The following MIPOL1 variants were observed in gnomAD, a reference collection of about 807,000 sequenced individuals.
The protein encoded by MIPOL1 is mirror-image polydactyly gene 1 protein.
MIPOL1 carries 57 observed loss-of-function variants against 60.9 expected under a neutral mutation model. The observed-to-expected ratio is 0.94, with a 90% confidence interval of 0.76 to 1.17. The LOEUF is 1.17. MIPOL1 is among the 50% of genes most tolerant of loss of function. MIPOL1 has a pLI of 0.00. For missense variants in MIPOL1, 551 were observed against 511.6 expected, an observed-to-expected ratio of 1.08 and a Z score of -0.74; for synonymous variants, 179 against 168.8, an observed-to-expected ratio of 1.06 and a Z score of -0.47.
chr14:37,216,076 AAAAG>A (rs1294674754), intron 1 of MIPOL1, among the ~76,000 whole-genome samples: 10 of 150,112 alleles, frequency 6.7e-5, no homozygotes, highest in South Asian at 4.2e-4. Context: ...AAAAAAAAAA[AAAAG>A]AAAGAAAAGA....
rs369482325 is a variant in MIPOL1 at position 37,268,796 on chromosome 14, A to G, written c.387+3A>G. The G allele has an allele frequency of 3.2e-6, 5 of 1,557,704 alleles. No homozygotes were observed. The highest frequency in any genetic ancestry group is 4.4e-6 in the Non-Finnish European group (5 of 1,147,064). Reference sequence around the variant, plus strand: ...TTCTCAGAACAAGCAATAAAAAGGTATAATATGGAAAGTCTGATAATTGTA... The same window carrying G: ...TTCTCAGAACAAGCAATAAAAAGGTGTAATATGGAAAGTCTGATAATTGTA... On this transcript the variant is annotated splice_donor_region_variant and intron_variant, in intron 5 of 12. Transcript: ENST00000684589.
intron 11 of MIPOL1, among the ~76,000 whole-genome samples, chr14:37,433,406 G>T (rs1595753802): frequency 6.6e-6 from 1 of 151,906 alleles, no homozygotes; most frequent in Admixed American, 6.6e-5. Flanking sequence ...GTGTGTGATG[G>T]TCCCCTTCCT....
intron 1 of MIPOL1, among the ~76,000 whole-genome samples, chr14:37,220,097 A>G (rs377166211): frequency 3.3e-5 from 5 of 152,238 alleles, no homozygotes; most frequent in African/African-American, 1.2e-4. Context: ...TGATTTTAGA[A>G]TGTATCATTT....
intron 12 of MIPOL1, among the ~76,000 whole-genome samples, chr14:37,537,666 AAC>A (rs1426365294): frequency 6.6e-6 from 1 of 152,210 alleles, no homozygotes; most frequent in Non-Finnish European, 1.5e-5. Context: ...CATGATACCA[AAC>A]ACAGCATTGT....
At position 37,529,293 on chromosome 14, in the gene MIPOL1, T is replaced by C. The variant is rs540186268; in HGVS notation, c.1263-17612T>C. Among the ~76,000 whole-genome samples the C allele has an allele frequency of 6.2e-4, 94 of 152,302 alleles. 1 individual carries two copies. Among genetic ancestry groups the C allele is most frequent in the African/African-American group, 2.2e-3 (91 of 41,574 alleles). Reference sequence around the variant, plus strand: ...CATCTCTGTTACCGTTATTACAAGATATAAAGACAGCTAAATCAAAAAAAT... The same window carrying C: ...CATCTCTGTTACCGTTATTACAAGACATAAAGACAGCTAAATCAAAAAAAT... On this transcript the variant is annotated intron_variant, in intron 12 of 12. Coordinates refer to ENST00000684589, the MANE Select transcript of MIPOL1 (RefSeq NM_001388067.1).
intron 9 of MIPOL1, among the ~76,000 whole-genome samples, chr14:37,313,415 C>T (rs2087555980): frequency 6.6e-6 from 1 of 152,056 alleles, no homozygotes; most frequent in South Asian, 2.1e-4. Flanking sequence ...AGGCCTGGCA[C>T]CTGGAGGCTT....
At chr14:37,376,913 G>A (rs1280508310) in intron 10 of MIPOL1, among the ~76,000 whole-genome samples, 1 of 152,142 alleles carries the variant, frequency 6.6e-6, no homozygotes, top group Non-Finnish European at 1.5e-5. Flanking sequence ...ATGAATGAGA[G>A]CTTCTGTTGC....
chr14:37,199,304 A>G (rs142991252), intron 1 of MIPOL1, among the ~76,000 whole-genome samples: 1 of 152,294 alleles, frequency 6.6e-6, no homozygotes, highest in East Asian at 1.9e-4. Context: ...AACATTATCA[A>G]TGAATTTCAC....
intron 12 of MIPOL1, among the ~76,000 whole-genome samples, chr14:37,535,841 G>T (rs2095503990): frequency 6.6e-6 from 1 of 152,030 alleles, no homozygotes; most frequent in Non-Finnish European, 1.5e-5. Context: ...TTATTTCTTT[G>T]TATCCTTTAT....
intron 9 of MIPOL1, among the ~76,000 whole-genome samples, chr14:37,355,330 G>T (rs2091728254): frequency 1.6e-5 from 2 of 122,268 alleles, no homozygotes; most frequent in Non-Finnish European, 3.4e-5. Flanking sequence ...CTCTCTGGCT[G>T]CCCTTAACAT....
At chr14:37,407,965 T>C (rs967873785) in intron 10 of MIPOL1, among the ~76,000 whole-genome samples, 1 of 147,316 alleles carries the variant, frequency 6.8e-6, no homozygotes, top group African/African-American at 2.5e-5. Context: ...TACTCCTGCC[T>C]CAGCCTCCTG....
chr14:37,262,891 G>A (rs1159838103), intron 3 of MIPOL1, among the ~76,000 whole-genome samples: 2 of 152,098 alleles, frequency 1.3e-5, no homozygotes, highest in Admixed American at 6.6e-5. Flanking sequence ...CGTTTACACA[G>A]ATACCAGTTG....
chr14:37,372,568 A>C (rs1294436436), intron 10 of MIPOL1, among the ~76,000 whole-genome samples: 1 of 152,026 alleles, frequency 6.6e-6, no homozygotes, highest in Non-Finnish European at 1.5e-5. Flanking sequence ...AGCCTGGCCA[A>C]CATAATGAAA....
intron 9 of MIPOL1, among the ~76,000 whole-genome samples, chr14:37,360,054 C>T (rs992175349): frequency 6.6e-6 from 1 of 152,080 alleles, no homozygotes; most frequent in African/African-American, 2.4e-5. Flanking sequence ...TGTCGAAGGC[C>T]TTTTCTGCAT....
At chr14:37,458,091 C>T (rs1405256174) in intron 11 of MIPOL1, among the ~76,000 whole-genome samples, 1 of 151,842 alleles carries the variant, frequency 6.6e-6, no homozygotes, top group Non-Finnish European at 1.5e-5. Flanking sequence ...AAGATAAAGT[C>T]ATTATATAAT....
chr14:37,214,018 G>A (rs1315871036), intron 1 of MIPOL1, among the ~76,000 whole-genome samples: 3 of 152,082 alleles, frequency 2.0e-5, no homozygotes, highest in Non-Finnish European at 2.9e-5. Context: ...GGCTTTCCCA[G>A]ACAAACAAAA....
At chr14:37,536,359 A>T (rs914906942) in intron 12 of MIPOL1, among the ~76,000 whole-genome samples, 21 of 152,176 alleles carry the variant, frequency 1.4e-4, no homozygotes, top group Admixed American at 2.6e-4. Flanking sequence ...TTAAGAGAAA[A>T]ATGTGAATCC....
chr14:37,500,559 C>T (rs2095201268), intron 12 of MIPOL1, among the ~76,000 whole-genome samples: 1 of 152,168 alleles, frequency 6.6e-6, no homozygotes, highest in Non-Finnish European at 1.5e-5. Context: ...GCATAAAAAC[C>T]AGTAGGGTGA....
chr14:37,342,772 A>G (rs1291138877), intron 9 of MIPOL1, among the ~76,000 whole-genome samples: 2 of 152,156 alleles, frequency 1.3e-5, no homozygotes, highest in East Asian at 3.8e-4. Flanking sequence ...ATTACGAAGA[A>G]TGATAATAGC....
Sources: gnomAD v4.1 joint callset for allele counts (sites outside exome capture counted in the v4.1 genomes callset) on GRCh38, gnomAD v4.1.1 for gene constraint, MANE v1.5 for transcripts, NCBI Gene and HGNC (gene_info 2026-07-23, HGNC 2026-07-21) for gene names.